The following EBF3 variants were observed in gnomAD, a reference collection of about 807,000 sequenced individuals.
EBF3 encodes the protein EBF transcription factor 3, also known as transcription factor COE3.
Under a neutral mutation model 77.1 loss-of-function variants are expected in EBF3, and 18 were observed. The ratio of observed to expected loss-of-function variants is 0.23; its 90% CI spans 0.16 to 0.35. EBF3 has a LOEUF of 0.35. Ranked by LOEUF, EBF3 falls within the 10% of genes least tolerant of loss-of-function variation. The probability of loss-of-function intolerance (pLI) is 1.00; values close to 1 mark genes in which losing one functional copy is unlikely to be tolerated. For synonymous variants in EBF3, 350 were observed against 343.5 expected, an observed-to-expected ratio of 1.02 and a Z score of -0.21; for missense variants, 558 against 860.0, an observed-to-expected ratio of 0.65 and a Z score of 4.39.
At position 129,925,811 on chromosome 10, in the gene EBF3, A is replaced by G. The variant is rs1370385564; in HGVS notation, c.554+31447T>C. 1.8e-4 allele frequency among the ~76,000 whole-genome samples: 27 copies of G among 152,188 alleles called. 1 individual carries two copies. The highest frequency in any genetic ancestry group is 5.9e-5 in the Non-Finnish European group (4 of 68,030). ...TGATGTTTCCAGGAGGTAAACATCC[A>G]ACACAAAGCCCACGCACCACGTAGC... On this transcript the variant is annotated intron_variant, in intron 6 of 16. Transcript: ENST00000440978.
intron 10 of EBF3, among the ~76,000 whole-genome samples, chr10:129,857,597 C>T (rs1851341881): frequency 1.3e-5 from 2 of 152,232 alleles, no homozygotes; most frequent in Non-Finnish European, 2.9e-5. Context: ...ATTTTATTAA[C>T]TTTTCCATGT....
rs1386678099 is a variant in EBF3, at chr10:129,863,656, G to GC, written c.1039+3484dup. Among the ~76,000 whole-genome samples the GC allele has an allele frequency of 6.6e-6, 1 of 152,230 alleles. No homozygotes were observed. The highest frequency in any genetic ancestry group is 2.4e-5 in the African/African-American group (1 of 41,468). On this transcript the variant is annotated intron_variant, in intron 10 of 16. Transcript: ENST00000440978. The surrounding 1 kb of genome is among the most constrained non-coding windows in gnomAD (Gnocchi z 4.0). ...GGGAACCAGACGCCCAGGGGACGGT[G>GC]CCTACGTCGTGACATGCAAAGGGGC... is the stretch of plus-strand genomic sequence containing the variant.
In EBF3 at chr10:129,952,876, C is replaced by T. The variant is rs1263784623; in HGVS notation, c.554+4382G>A. ...TAATACTTGAACAGGTGCAGAAAGG[C>T]GCTTTAAATGAGGTAAATGAATAAA... is the stretch of plus-strand genomic sequence containing the variant. On this transcript the variant is annotated intron_variant, in intron 6 of 16. Transcript: ENST00000440978. The surrounding 1 kb of genome is among the most constrained non-coding windows in gnomAD (Gnocchi z 4.7). 1.3e-5 allele frequency among the ~76,000 whole-genome samples: 2 copies of T among 151,956 alleles called. No homozygotes were observed. The highest frequency in any genetic ancestry group is 6.6e-5 in the Admixed American group (1 of 15,248).
chr10:129,888,784 C>T (rs751596859), intron 6 of EBF3, among the ~76,000 whole-genome samples: 1 of 152,116 alleles, frequency 6.6e-6, no homozygotes, highest in Non-Finnish European at 1.5e-5. Flanking sequence ...AAATTATATT[C>T]GCAGAACAGG....
chr10:129,841,535 G>A lies in EBF3; in HGVS notation c.1373-503C>T, dbSNP rs1438574637. Among the ~76,000 whole-genome samples the A allele has an allele frequency of 1.3e-5, 2 of 152,140 alleles. No individual in the cohort carries two copies. Among genetic ancestry groups the A allele is most frequent in the African/African-American group, 4.8e-5 (2 of 41,430 alleles). Reference sequence around the variant, plus strand: ...CTGCCATGGGAGCTTGTGGATGGACGGGAACAAAATCAGCAATAGTATGGG... The same window carrying A: ...CTGCCATGGGAGCTTGTGGATGGACAGGAACAAAATCAGCAATAGTATGGG... On this transcript the variant is annotated intron_variant, in intron 13 of 16. Coordinates refer to ENST00000440978, the MANE Select transcript of EBF3 (RefSeq NM_001375380.1). The surrounding 1 kb of genome is among the most constrained non-coding windows in gnomAD (Gnocchi z 4.6).
chr10:129,963,656 TC>T lies in EBF3; in HGVS notation c.112del (p.Asp38ThrfsTer94). The T allele has an allele frequency of 6.7e-7, 1 of 1,491,662 alleles. No individual in the cohort carries two copies. The highest frequency in any genetic ancestry group is 9.0e-7 in the Non-Finnish European group (1 of 1,111,700). 92.4% of individuals were successfully genotyped at this position (1,491,662 alleles called of 1,614,324 possible). Reference protein sequence around the residue: ...RSWMHTAGVVDANTAAQSGVG... With the variant: ...RSWMHTAGVVXANTAAQSGVG... ...GTACCTCTGGGCGGCCGTGTTGGCG[TC>T]CACCACGCCCGCCGTGTGCATCCAC... On this transcript the variant is annotated frameshift_variant, in exon 1 of 17. Transcript: ENST00000440978. LOFTEE classifies it high-confidence loss of function. This position sits in a 1 kb window ranked among gnomAD's most constrained non-coding sequence, Gnocchi z 7.1.
At chr10:129,898,857 C>G (rs1854579765) in intron 6 of EBF3, among the ~76,000 whole-genome samples, 1 of 152,188 alleles carries the variant, frequency 6.6e-6, no homozygotes, top group Non-Finnish European at 1.5e-5. Context: ...CGCTGCGCCT[C>G]CCGCAGCAAG....
intron 12 of EBF3, 34 bp downstream of exon 12, chr10:129,843,103 G>GA (rs397749697): frequency 3.1e-6 from 5 of 1,604,790 alleles, no homozygotes; most frequent in South Asian, 1.1e-5. Context: ...GGCATGGGGG[G>GA]GAGGATGGGC....
intron 6 of EBF3, among the ~76,000 whole-genome samples, chr10:129,892,176 C>G (rs909865008): frequency 6.6e-6 from 1 of 152,240 alleles, no homozygotes; most frequent in Admixed American, 6.5e-5. Flanking sequence ...CAGGCTCCAA[C>G]TGATGAGTAG....
chr10:129,850,437 C>T (rs1850787830), intron 10 of EBF3, among the ~76,000 whole-genome samples: 1 of 152,220 alleles, frequency 6.6e-6, no homozygotes, highest in Admixed American at 6.5e-5. Context: ...GCCCCTTTCA[C>T]CTCTCAGTTC....
In EBF3 at chr10:129,959,456, A is replaced by T. The variant is rs79849033; in HGVS notation, c.412-449T>A. Among the ~76,000 whole-genome samples, 952 of 152,116 alleles carry T rather than the reference A, an allele frequency of 6.3e-3. 6 individuals are homozygous for T. Among genetic ancestry groups the T allele is most frequent in the African/African-American group, 0.021 (876 of 41,520 alleles). The stretch of plus-strand genomic sequence containing the variant: ...CGAGTTCCAATCTGCATGTTGGGAG[A>T]GGCCGATCAGAACGCCCCGAGGCTA... On this transcript the variant is annotated intron_variant, in intron 4 of 16. Coordinates refer to ENST00000440978, the MANE Select transcript of EBF3 (RefSeq NM_001375380.1).
At position 129,963,123 on chromosome 10, in the gene EBF3, G is replaced by A; in HGVS notation, c.292-118C>T. 3.0e-6 allele frequency: 4 copies of A among 1,355,182 alleles called. No individual in the cohort carries two copies. The highest frequency in any genetic ancestry group is 4.2e-6 in the Non-Finnish European group (4 of 952,692). 83.9% of individuals were successfully genotyped at this position (1,355,182 alleles called of 1,614,324 possible). On this transcript the variant is annotated intron_variant, in intron 2 of 16. Coordinates refer to ENST00000440978, the MANE Select transcript of EBF3 (RefSeq NM_001375380.1). The surrounding 1 kb of genome is among the most constrained non-coding windows in gnomAD (Gnocchi z 7.1). ...TCACACATGGCAGGATTCCTAGCTC[G>A]AAGCAGCGCGGTGATGTCACTTTCC...
At chr10:129,954,600 C>T (rs892012817) in intron 6 of EBF3, among the ~76,000 whole-genome samples, 2 of 152,112 alleles carry the variant, frequency 1.3e-5, no homozygotes, top group East Asian at 1.9e-4. Context: ...GCAGTCTCAA[C>T]GTGCCGGGAG....
In EBF3 at chr10:129,944,199, G is replaced by A. The variant is rs921088591; in HGVS notation, c.554+13059C>T. ...TAAAATCAATTTGCAAGGCCGGTCCGGCATCCAGTTACAATAACATTAAAA... is the reference window on the plus strand; with the variant it reads ...TAAAATCAATTTGCAAGGCCGGTCCAGCATCCAGTTACAATAACATTAAAA... On this transcript the variant is annotated intron_variant, in intron 6 of 16. Coordinates refer to ENST00000440978, the MANE Select transcript of EBF3 (RefSeq NM_001375380.1). The surrounding 1 kb of genome is among the most constrained non-coding windows in gnomAD (Gnocchi z 5.1). 3.9e-5 allele frequency among the ~76,000 whole-genome samples: 6 copies of A among 152,092 alleles called. No individual in the cohort carries two copies. The highest frequency in any genetic ancestry group is 8.8e-5 in the Non-Finnish European group (6 of 68,020).
intron 6 of EBF3, among the ~76,000 whole-genome samples, chr10:129,923,477 G>A (rs911390965): frequency 2.6e-5 from 4 of 152,212 alleles, no homozygotes; most frequent in African/African-American, 9.7e-5. Context: ...GAGCCCAGGA[G>A]TAAACCCTCA....
intron 6 of EBF3, among the ~76,000 whole-genome samples, chr10:129,939,776 C>T (rs532256748): frequency 2.0e-5 from 3 of 152,232 alleles, no homozygotes; most frequent in East Asian, 1.9e-4. Flanking sequence ...TTCTGTCACA[C>T]GCAAGCTAAT....
chr10:129,862,706 G>A (rs867586057), intron 10 of EBF3, among the ~76,000 whole-genome samples: 2 of 152,146 alleles, frequency 1.3e-5, no homozygotes, highest in African/African-American at 2.4e-5. Context: ...CTTCACACTT[G>A]AAAACATGTC....
intron 6 of EBF3, among the ~76,000 whole-genome samples, chr10:129,884,662 T>C (rs1853446634): frequency 6.6e-6 from 1 of 152,150 alleles, no homozygotes; most frequent in Non-Finnish European, 1.5e-5. Context: ...TGTTGGGGGC[T>C]CCCCTCTCCA....
In EBF3 at chr10:129,924,352, T is replaced by C. The variant is rs1476046147; in HGVS notation, c.554+32906A>G. The stretch of plus-strand genomic sequence containing the variant: ...ATCACTTGAACCCGGGAAGTGGAGG[T>C]TGCAGGGAGCCAAGCTCAAGCCACT... On this transcript the variant is annotated intron_variant, in intron 6 of 16. Coordinates refer to ENST00000440978, the MANE Select transcript of EBF3 (RefSeq NM_001375380.1). Among the ~76,000 whole-genome samples the C allele has an allele frequency of 4.7e-5, 7 of 150,172 alleles. 1 individual carries two copies. The East Asian group carries it at 1.2e-3, about 25-fold the overall frequency.
Sources: allele counts gnomAD v4.1 joint callset (sites outside exome capture counted in the v4.1 genomes callset), GRCh38; gene constraint gnomAD v4.1.1; non-coding constraint Gnocchi (gnomAD v3.1); transcripts MANE v1.5; gene names NCBI Gene and HGNC (gene_info 2026-07-23, HGNC 2026-07-21).